Variants in IQSEC1 observed in about 807,000 individuals in gnomAD.
IQSEC1 encodes IQ motif and SEC7 domain-containing protein 1.
Under a neutral mutation model 91.0 loss-of-function variants are expected in IQSEC1, and 31 were observed. The ratio of observed to expected loss-of-function variants is 0.34; its 90% CI spans 0.26 to 0.46. The LOEUF is 0.46. Among genes scored for constraint, IQSEC1 ranks in the 20% least tolerant of loss-of-function variants. IQSEC1 has a pLI of 1.00. For missense variants in IQSEC1, 1,388 were observed against 1,575.6 expected, an observed-to-expected ratio of 0.88 and a Z score of 2.02; for synonymous variants, 699 against 662.6, an observed-to-expected ratio of 1.05 and a Z score of -0.84.
intron 1 of IQSEC1, among the ~76,000 whole-genome samples, chr3:13,181,762 T>C (rs1216031910): frequency 6.6e-6 from 1 of 152,264 alleles, no homozygotes; most frequent in Non-Finnish European, 1.5e-5. Flanking sequence ...ATATATCTGA[T>C]GAATGAATTT....
intron 1 of IQSEC1, among the ~76,000 whole-genome samples, chr3:13,174,230 G>A (rs1559270029): frequency 6.6e-6 from 1 of 152,178 alleles, no homozygotes. Flanking sequence ...AGATAATACT[G>A]GGAGCGCAGC....
chr3:12,942,068 C>G (rs1162472879), intron 1 of IQSEC1, among the ~76,000 whole-genome samples: 2 of 152,216 alleles, frequency 1.3e-5, no homozygotes, highest in Admixed American at 6.5e-5. Context: ...GGTTCAGTTT[C>G]TCTGTGAAGT....
intron 2 of IQSEC1, among the ~76,000 whole-genome samples, chr3:13,118,232 G>A (rs1706368152): frequency 6.6e-6 from 1 of 152,134 alleles, no homozygotes; most frequent in Admixed American, 6.5e-5. Context: ...CAGTTATTAT[G>A]TGTCCATTTA....
At chr3:13,010,801 C>A (rs1255890565) in intron 1 of IQSEC1, among the ~76,000 whole-genome samples, 1 of 152,194 alleles carries the variant, frequency 6.6e-6, no homozygotes, top group East Asian at 1.9e-4. Context: ...GGCTCTGGGC[C>A]CCACTTGCCT....
At chr3:13,145,814 G>T (rs796169550) in intron 2 of IQSEC1, among the ~76,000 whole-genome samples, 2 of 132,628 alleles carry the variant, frequency 1.5e-5, no homozygotes, top group Non-Finnish European at 3.3e-5. Flanking sequence ...CGGGGGGGGG[G>T]GGTCCTGATC....
At chr3:13,277,123 A>C (rs909193883) in intron 1 of IQSEC1, among the ~76,000 whole-genome samples, 5 of 150,214 alleles carry the variant, frequency 3.3e-5, no homozygotes, top group Admixed American at 6.6e-5. Context: ...AAAAAAAAAA[A>C]AAAAAAAAAA....
At chr3:13,082,861 G>GC (rs531520304) in intron 2 of IQSEC1, among the ~76,000 whole-genome samples, 1 of 152,098 alleles carries the variant, frequency 6.6e-6, no homozygotes, top group Non-Finnish European at 1.5e-5. Context: ...CCCACTGTCA[G>GC]CCCCCCACTC....
chr3:12,914,389 G>A (rs1216781407), intron 8 of IQSEC1, among the ~76,000 whole-genome samples: 1 of 152,238 alleles, frequency 6.6e-6, no homozygotes, highest in Non-Finnish European at 1.5e-5. Flanking sequence ...TGAGGCCAGA[G>A]GCTTGACTCT....
chr3:13,005,266 C>T (rs565211194), intron 1 of IQSEC1, among the ~76,000 whole-genome samples: 45 of 152,244 alleles, frequency 3.0e-4, no homozygotes, highest in Middle Eastern at 3.4e-3. Context: ...CCATACTTCA[C>T]GGTGTGGGGG....
At chr3:13,092,912 G>A (rs1297897131) in intron 2 of IQSEC1, among the ~76,000 whole-genome samples, 1 of 152,042 alleles carries the variant, frequency 6.6e-6, no homozygotes, top group African/African-American at 2.4e-5. Context: ...TCCCTCTGCC[G>A]CGAGCACTCT....
At chr3:13,145,634 C>A (rs765455826) in intron 2 of IQSEC1, among the ~76,000 whole-genome samples, 1 of 152,152 alleles carries the variant, frequency 6.6e-6, no homozygotes, top group Non-Finnish European at 1.5e-5. Flanking sequence ...AGCTTCCACA[C>A]GAAGAAGGCG....
intron 1 of IQSEC1, among the ~76,000 whole-genome samples, chr3:12,950,140 C>G (rs772455279): frequency 1.3e-5 from 2 of 152,192 alleles, no homozygotes; most frequent in Non-Finnish European, 2.9e-5. Context: ...AAGCACTGCT[C>G]TTCCCATTCT....
intron 1 of IQSEC1, among the ~76,000 whole-genome samples, chr3:12,977,906 G>T (rs942993195): frequency 6.6e-6 from 1 of 152,234 alleles, no homozygotes; most frequent in Non-Finnish European, 1.5e-5. Flanking sequence ...CATGTGTGAC[G>T]TGTGATTCAC....
chr3:12,900,694 A>C lies in IQSEC1; in HGVS notation c.*289T>G, dbSNP rs1003507069. The C allele has an allele frequency of 1.6e-5, 22 of 1,358,202 alleles. No homozygotes were observed. Among genetic ancestry groups the C allele is most frequent in the Non-Finnish European group, 2.0e-5 (21 of 1,054,388 alleles). The allele number at this position is 1,358,202 out of a possible 1,614,324, so 84.1% of individuals were successfully genotyped here. On this transcript the variant is annotated 3_prime_UTR_variant, in exon 14 of 14. Coordinates refer to ENST00000613206, the MANE Select transcript of IQSEC1 (RefSeq NM_001134382.3). ...AGAGCTGGAGTGGGGGAGGCAGTTC[A>C]ACACTACTTGGCTGGCTCACCGTTT...
chr3:13,161,549 G>GTGT (rs1414254933), intron 2 of IQSEC1, among the ~76,000 whole-genome samples: 2 of 152,174 alleles, frequency 1.3e-5, no homozygotes, highest in Non-Finnish European at 2.9e-5. Flanking sequence ...TGGGGGAAGG[G>GTGT]TGTGACCCAT....
At chr3:12,926,066 T>C (rs1697095670) in intron 3 of IQSEC1, among the ~76,000 whole-genome samples, 1 of 152,090 alleles carries the variant, frequency 6.6e-6, no homozygotes, top group African/African-American at 2.4e-5. Flanking sequence ...ATTCCAGTAC[T>C]TCAGGAAGCT....
chr3:13,150,915 G>C (rs1260379167), intron 2 of IQSEC1, among the ~76,000 whole-genome samples: 1 of 152,236 alleles, frequency 6.6e-6, no homozygotes, highest in East Asian at 1.9e-4. Flanking sequence ...TGTGAAAGCA[G>C]ATGGTCCAGG....
At chr3:12,930,831 G>A (rs773400807) in intron 3 of IQSEC1, among the ~76,000 whole-genome samples, 3 of 152,170 alleles carry the variant, frequency 2.0e-5, no homozygotes, top group Non-Finnish European at 2.9e-5. Flanking sequence ...AGAGGTCTGA[G>A]CCCTGGTAAC....
chr3:12,903,480 CT>C (rs753538347), intron 12 of IQSEC1, among the ~76,000 whole-genome samples: 2 of 152,194 alleles, frequency 1.3e-5, no homozygotes, highest in African/African-American at 2.4e-5. Context: ...GATTCCTCTG[CT>C]TGGTACCACC....
Sources: allele counts gnomAD v4.1 joint callset (sites outside exome capture counted in the v4.1 genomes callset), GRCh38; gene constraint gnomAD v4.1.1; transcripts MANE v1.5; gene names NCBI Gene and HGNC (gene_info 2026-07-23, HGNC 2026-07-21).